The following WASHC3 variants were observed in gnomAD, a reference collection of about 807,000 sequenced individuals.
The protein encoded by WASHC3 is WASH complex subunit CCDC53.
Under a neutral mutation model 26.1 loss-of-function variants are expected in WASHC3, and 24 were observed. The observed-to-expected ratio is 0.92, with a 90% CI of 0.66 to 1.29. The LOEUF is 1.29. Ranked by LOEUF, WASHC3 falls within the 50% of genes most tolerant of loss-of-function variation. The pLI is 0.00. For synonymous variants in WASHC3, 77 were observed against 75.7 expected (o/e 1.02, Z -0.09); for missense variants, 214 against 229.6 (o/e 0.93, Z 0.44).
chr12:102,015,019 T>A (rs1876637531), intron 6 of WASHC3, among the ~76,000 whole-genome samples: 2 of 152,146 alleles, frequency 1.3e-5, no homozygotes, highest in South Asian at 4.1e-4. Context: ...TAGAAAAGGG[T>A]AGGCCAGGGA....
At chr12:102,017,754 G>A (rs749522510) in intron 6 of WASHC3, 21 of 426,576 alleles carry the variant, frequency 4.9e-5, no homozygotes, top group Non-Finnish European at 4.6e-5. Context: ...TCTCCACACC[G>A]TCAGCAACAC....
intron 4 of WASHC3, 27 bp from the exon 5 acceptor site, chr12:102,040,005 T>C: frequency 9.2e-7 from 1 of 1,091,672 alleles, no homozygotes; most frequent in Admixed American, 1.9e-5. Flanking sequence ...GTGTAAATCT[T>C]TAGACAATTT....
chr12:102,058,984 G>A (rs1311147459), intron 2 of WASHC3, among the ~76,000 whole-genome samples: 2 of 152,128 alleles, frequency 1.3e-5, no homozygotes, highest in Non-Finnish European at 1.5e-5. Context: ...ACTTATATAT[G>A]GAGGATAAAA....
intron 3 of WASHC3, among the ~76,000 whole-genome samples, chr12:102,045,640 T>C (rs1878129429): frequency 6.6e-6 from 1 of 152,222 alleles, no homozygotes; most frequent in Non-Finnish European, 1.5e-5. Flanking sequence ...TCATTAGCAT[T>C]TAAGGTATCT....
chr12:102,045,818 G>C (rs1878137666), intron 3 of WASHC3, among the ~76,000 whole-genome samples: 1 of 152,216 alleles, frequency 6.6e-6, no homozygotes, highest in East Asian at 1.9e-4. Flanking sequence ...CTCGCATTAT[G>C]CGTTTGCCTA....
intron 6 of WASHC3, among the ~76,000 whole-genome samples, chr12:102,023,168 A>G (rs1877026167): frequency 6.6e-6 from 1 of 152,112 alleles, no homozygotes; most frequent in Admixed American, 6.5e-5. Flanking sequence ...TTTCTAGGAA[A>G]ATTGCCAGGA....
At chr12:102,026,815 C>A (rs1473069975) in intron 5 of WASHC3, among the ~76,000 whole-genome samples, 1 of 152,172 alleles carries the variant, frequency 6.6e-6, no homozygotes, top group East Asian at 1.9e-4. Flanking sequence ...TCTCTTCACA[C>A]CATCCCCAAG....
intron 5 of WASHC3, among the ~76,000 whole-genome samples, chr12:102,027,969 A>G (rs1420392259): frequency 6.6e-6 from 1 of 151,854 alleles, no homozygotes; most frequent in African/African-American, 2.4e-5. Context: ...CATACCTCTG[A>G]AAGCAATATT....
chr12:102,060,311 TAAAACA>T (rs901969564), intron 2 of WASHC3, among the ~76,000 whole-genome samples: 1 of 152,210 alleles, frequency 6.6e-6, no homozygotes, highest in Non-Finnish European at 1.5e-5. Flanking sequence ...TCCTCTTTTT[TAAAACA>T]AAAACAAAAA....
chr12:102,035,032 A>G (rs1415017826), intron 5 of WASHC3, among the ~76,000 whole-genome samples: 8 of 152,104 alleles, frequency 5.3e-5, no homozygotes, highest in Admixed American at 2.6e-4. Flanking sequence ...AGTGAGGCTA[A>G]AAGAAGGCAG....
Position 102,013,200 on chromosome 12 carries a change from A to G in WASHC3, c.501-8T>C. Reference sequence around the variant, plus strand: ...ACTGGAGCATCTGGCCTCCTAAAAGAAAAGAAAAAAAAATTTCAAAGGTCT... The same window carrying G: ...ACTGGAGCATCTGGCCTCCTAAAAGGAAAGAAAAAAAAATTTCAAAGGTCT... On this transcript the variant is annotated splice_polypyrimidine_tract_variant and splice_region_variant and intron_variant, in intron 6 of 6. Coordinates refer to ENST00000240079, the MANE Select transcript of WASHC3 (RefSeq NM_016053.4). The G allele has an allele frequency of 7.0e-7, 1 of 1,437,206 alleles. No individual in the cohort carries two copies. The highest frequency in any genetic ancestry group is 9.5e-7 in the Non-Finnish European group (1 of 1,053,764). 89.0% of individuals were successfully genotyped at this position (1,437,206 alleles called of 1,614,324 possible). A position where few individuals can be genotyped will look rare whatever the true frequency, so the allele number is the denominator to read the frequency against.
chr12:102,047,721 G>A (rs957874384), intron 2 of WASHC3, among the ~76,000 whole-genome samples: 1 of 151,992 alleles, frequency 6.6e-6, no homozygotes, highest in African/African-American at 2.4e-5. Context: ...TTTGATTGAA[G>A]GAAACACAAA....
At chr12:102,041,873 T>C (rs916802800) in intron 4 of WASHC3, among the ~76,000 whole-genome samples, 2 of 152,072 alleles carry the variant, frequency 1.3e-5, no homozygotes, top group Admixed American at 1.3e-4. Flanking sequence ...TTGCCAGAGA[T>C]ATACCAGGTT....
Position 102,046,059 on chromosome 12 carries a change from C to T in WASHC3, c.211G>A (p.Ala71Thr). 6.3e-7 allele frequency: 1 copy of T among 1,577,284 alleles called. No individual in the cohort carries two copies. The highest frequency in any genetic ancestry group is 8.7e-7 in the Non-Finnish European group (1 of 1,153,014). ...QIETTLNILD[A>T]KLSSIPGLDD... ...AATTATTGAGAAATACCAACCTTTG[C>T]ATCTAAAATATTGAGAGTTGTTTCA... Residue 71 changes from alanine (A) to threonine (T), a missense_variant, in exon 3 of 7, where the codon GCA becomes ACA. By Grantham distance (58) the Ala-to-Thr change is moderately conservative. Transcript: ENST00000240079.
intron 5 of WASHC3, among the ~76,000 whole-genome samples, chr12:102,030,093 C>T (rs1368509986): frequency 2.6e-5 from 4 of 151,934 alleles, no homozygotes; most frequent in East Asian, 1.9e-4. Flanking sequence ...GTCGGGAGTT[C>T]GAGACCAGCC....
intron 5 of WASHC3, among the ~76,000 whole-genome samples, chr12:102,028,334 CAG>C (rs1471642708): frequency 2.0e-5 from 3 of 151,906 alleles, no homozygotes; most frequent in Non-Finnish European, 2.9e-5. Flanking sequence ...TTTAGGATAA[CAG>C]GGGGTAAGTT....
chr12:102,060,460 A>G (rs73185905), intron 2 of WASHC3, among the ~76,000 whole-genome samples: 5,961 of 152,246 alleles, frequency 0.039, 165 homozygotes, highest in African/African-American at 0.071. Context: ...CCTAATCCCT[A>G]GTTGGGTACT....
intron 6 of WASHC3, 92 bp downstream of exon 6, chr12:102,025,882 A>C (rs758238966): frequency 4.3e-5 from 31 of 723,120 alleles, no homozygotes; most frequent in Non-Finnish European, 7.3e-5. Flanking sequence ...ACACTGTAGG[A>C]ATAAAAATAC....
At chr12:102,062,030 G>C (rs1398259071), upstream of WASHC3, 5 of 1,378,262 alleles carry the variant, frequency 3.6e-6, no homozygotes, top group Non-Finnish European at 5.0e-6. Flanking sequence ...GCCCAACCCG[G>C]TAATCACGTC....
Sources: gnomAD v4.1 joint callset for allele counts (sites outside exome capture counted in the v4.1 genomes callset) on GRCh38, gnomAD v4.1.1 for gene constraint, MANE v1.5 for transcripts, NCBI Gene and HGNC (gene_info 2026-07-23, HGNC 2026-07-21) for gene names.